The following SHPK variants were observed in gnomAD, a reference collection of about 807,000 sequenced individuals.
SHPK encodes the protein sedoheptulokinase.
SHPK carries 51 observed loss-of-function variants against 46.3 expected under a neutral mutation model. The ratio of observed to expected loss-of-function variants is 1.10; its 90% confidence interval spans 0.88 to 1.39. The LOEUF (loss-of-function observed/expected upper bound fraction) is 1.39. Among genes scored for constraint, SHPK ranks in the 40% most tolerant of loss-of-function variants. The pLI is 0.00. For missense variants in SHPK, 668 were observed against 641.3 expected (o/e 1.04, Z -0.45); for synonymous variants, 290 against 273.9 (o/e 1.06, Z -0.58).
At chr17:3,628,271 T>G (rs1358631896) in intron 2 of SHPK, among the ~76,000 whole-genome samples, 2 of 152,130 alleles carry the variant, frequency 1.3e-5, no homozygotes, top group Admixed American at 6.6e-5. Flanking sequence ...GTATATGCTG[T>G]TCACAGTACT....
At chr17:3,635,202 G>GAAGAAAGGAAGC (rs879382597) in intron 1 of SHPK, among the ~76,000 whole-genome samples, 1 of 121,390 alleles carries the variant, frequency 8.2e-6, no homozygotes, top group African/African-American at 2.9e-5. Flanking sequence ...ATGAAGGAAG[G>GAAGAAAGGAAGC]AAGGAAGGAA....
At chr17:3,623,558 C>G in intron 3 of SHPK, 67 bp from the exon 4 acceptor site, 1 of 1,514,690 alleles carries the variant, frequency 6.6e-7, no homozygotes, top group Non-Finnish European at 9.2e-7. Flanking sequence ...CCGCACCTAG[C>G]TGCAGGCAGC....
intron 1 of SHPK, among the ~76,000 whole-genome samples, chr17:3,631,163 G>A (rs1170962512): frequency 6.6e-6 from 1 of 152,068 alleles, no homozygotes; most frequent in Non-Finnish European, 1.5e-5. Context: ...GGGTAGGATG[G>A]GGCAGGGAGT....
At position 3,636,103 on chromosome 17, in the gene SHPK, G is replaced by A; in HGVS notation, c.117C>T (p.Ala39=). ...PSGFAVLASC[A]RAARAEAAVE... ...CCGCCGCCTCTGCCCGCGCAGCACG[G>A]GCACAGCTCGCCAGCACTGCGAACC... is the stretch of plus-strand genomic sequence containing the variant. The change falls in exon 1 of 7, where the codon GCC becomes GCT. Residue 39 remains alanine, a synonymous_variant. Transcript: ENST00000225519. 3 of 1,605,490 alleles carry A rather than the reference G, an allele frequency of 1.9e-6. No individual in the cohort carries two copies. The highest frequency in any genetic ancestry group is 2.5e-6 in the Non-Finnish European group (3 of 1,176,600).
chr17:3,631,647 G>A (rs1049904640), intron 1 of SHPK, among the ~76,000 whole-genome samples: 3 of 144,200 alleles, frequency 2.1e-5, no homozygotes, highest in East Asian at 2.3e-4. Context: ...CTTAGCCTCC[G>A]GAGTAGCTGG....
intron 5 of SHPK, chr17:3,619,325 A>G (rs1186522884): frequency 1.8e-6 from 2 of 1,119,672 alleles, no homozygotes; most frequent in Non-Finnish European, 2.7e-6. Context: ...CACCACAGTT[A>G]CGTGAGGTGA....
intron 3 of SHPK, among the ~76,000 whole-genome samples, 189 bp downstream of exon 3, chr17:3,623,859 C>T (rs1291359925): frequency 6.6e-6 from 1 of 152,192 alleles, no homozygotes; most frequent in Non-Finnish European, 1.5e-5. Context: ...ACTGGATAAC[C>T]AATAGAGAGC....
intron 1 of SHPK, among the ~76,000 whole-genome samples, chr17:3,635,511 A>C (rs2075514025): frequency 6.6e-6 from 1 of 152,178 alleles, no homozygotes; most frequent in African/African-American, 2.4e-5. Flanking sequence ...CTGGGATTAC[A>C]GGCGTGAGCC....
intron 6 of SHPK, among the ~76,000 whole-genome samples, chr17:3,613,842 G>A (rs1005938052): frequency 4.6e-5 from 7 of 151,958 alleles, no homozygotes; most frequent in Admixed American, 2.0e-4. Context: ...TTACAGCCAC[G>A]TGCCACCATG....
chr17:3,619,323 T>C, intron 5 of SHPK: 5 of 1,098,354 alleles, frequency 4.6e-6, no homozygotes, highest in Middle Eastern at 2.1e-4. Context: ...TCCACCACAG[T>C]TACGTGAGGT....
chr17:3,630,103 A>C, intron 2 of SHPK, 102 bp downstream of exon 2: 1 of 1,420,408 alleles, frequency 7.0e-7, no homozygotes, highest in Non-Finnish European at 9.9e-7. Context: ...CCCTATTCCC[A>C]CTGCAGGATA....
At chr17:3,613,639 G>A (rs1448423507) in intron 6 of SHPK, among the ~76,000 whole-genome samples, 4 of 152,156 alleles carry the variant, frequency 2.6e-5, no homozygotes, top group Non-Finnish European at 5.9e-5. Flanking sequence ...AAAGTGCTGG[G>A]ATTACAGGCA....
At chr17:3,635,836 G>A (rs2075518853) in intron 1 of SHPK, among the ~76,000 whole-genome samples, 1 of 152,128 alleles carries the variant, frequency 6.6e-6, no homozygotes. Context: ...GGGAGGGGGC[G>A]GGGGGGAATC....
chr17:3,635,337 G>A (rs2075511255), intron 1 of SHPK, among the ~76,000 whole-genome samples: 2 of 151,776 alleles, frequency 1.3e-5, no homozygotes, highest in African/African-American at 4.8e-5. Flanking sequence ...CCGGGTTCGC[G>A]CCATTCTCCT....
intron 5 of SHPK, chr17:3,619,206 G>A (rs896201010): frequency 4.0e-5 from 20 of 494,256 alleles, no homozygotes; most frequent in African/African-American, 6.1e-5. Flanking sequence ...TTCAGCCTAC[G>A]TTGCAGCTAA....
At position 3,624,216 on chromosome 17, in the gene SHPK, T is replaced by A; in HGVS notation, c.326A>T (p.Glu109Val). 1 of 1,611,820 alleles carries A rather than the reference T, an allele frequency of 6.2e-7. No individual in the cohort carries two copies. The highest frequency in any genetic ancestry group is 8.5e-7 in the Non-Finnish European group (1 of 1,178,322). ...WKTGQGCEWTEGGITPVFEPR... is the reference protein window; with the variant it reads ...WKTGQGCEWTVGGITPVFEPR... ...CTCGAACACCGGGGTAATCCCTCCCTCTGTCCATTCACAGCCTGGAACAAA... is the reference window on the plus strand; with the variant it reads ...CTCGAACACCGGGGTAATCCCTCCCACTGTCCATTCACAGCCTGGAACAAA... Residue 109 changes from glutamate (E) to valine (V), a missense_variant, in exon 3 of 7, where the codon GAG (glutamate) becomes GTG (valine). Transcript: ENST00000225519.
In SHPK at chr17:3,610,451, C is replaced by T. The variant is rs2075329517; in HGVS notation, c.*109G>A. ...AGATGGGACCTCACAACAAGCACTGCTTGAAAGCTGTCCACTGAACGGTCC... is the reference window on the plus strand; with the variant it reads ...AGATGGGACCTCACAACAAGCACTGTTTGAAAGCTGTCCACTGAACGGTCC... On this transcript the variant is annotated 3_prime_UTR_variant, in exon 7 of 7. Transcript: ENST00000225519. 24 of 1,181,744 alleles carry T rather than the reference C, an allele frequency of 2.0e-5. No homozygotes were observed. The South Asian group carries it at 3.3e-4, about 16-fold the overall frequency. The allele number at this position is 1,181,744 out of a possible 1,614,324, so 73.2% of individuals were successfully genotyped here.
intron 3 of SHPK, 82 bp from the exon 4 acceptor site, chr17:3,623,573 A>G: frequency 7.0e-7 from 1 of 1,425,010 alleles, no homozygotes; most frequent in Non-Finnish European, 9.9e-7. Context: ...GGCAGCAGGG[A>G]CCAGCTGTGC....
chr17:3,625,579 CT>C (rs372595211), intron 2 of SHPK, among the ~76,000 whole-genome samples: 1 of 152,156 alleles, frequency 6.6e-6, no homozygotes, highest in African/African-American at 2.4e-5. Flanking sequence ...CCGTGACCCC[CT>C]GGACCAGTCT....
Sources: gnomAD v4.1 joint callset for allele counts (sites outside exome capture counted in the v4.1 genomes callset) on GRCh38, gnomAD v4.1.1 for gene constraint, MANE v1.5 for transcripts, NCBI Gene and HGNC (gene_info 2026-07-23, HGNC 2026-07-21) for gene names.